The following MMP16 variants were observed in gnomAD, a reference collection of about 807,000 sequenced individuals.
MMP16 encodes the protein matrix metallopeptidase 16.
MMP16 carries 12 observed loss-of-function variants against 67.8 expected under a neutral mutation model. The observed-to-expected ratio is 0.18, with a 90% CI of 0.11 to 0.29. MMP16 has a LOEUF of 0.29. Ranked by LOEUF, MMP16 falls within the 10% of genes least tolerant of loss-of-function variation. MMP16 has a pLI of 1.00. For synonymous variants in MMP16, 249 were observed against 255.9 expected (o/e 0.97, Z 0.26); for missense variants, 475 against 765.7 (o/e 0.62, Z 4.48).
At chr8:88,048,376 T>G (rs906816343) in intron 8 of MMP16, among the ~76,000 whole-genome samples, 11 of 152,148 alleles carry the variant, frequency 7.2e-5, no homozygotes, top group African/African-American at 2.4e-4. Context: ...CATCCCTACT[T>G]TGGATCACTC....
chr8:88,207,357 G>A (rs527292191), intron 1 of MMP16, among the ~76,000 whole-genome samples: 3 of 152,248 alleles, frequency 2.0e-5, no homozygotes, highest in South Asian at 4.1e-4. Context: ...GAGCCCAAAT[G>A]TTGTATCTGC....
At chr8:88,258,854 G>C (rs996942515) in intron 1 of MMP16, among the ~76,000 whole-genome samples, 10 of 152,154 alleles carry the variant, frequency 6.6e-5, no homozygotes, top group Non-Finnish European at 1.3e-4. Context: ...CTGAAATTAA[G>C]TCAAAATATT....
At chr8:88,170,473 TCTATGCACC>T (rs1306047300) in intron 3 of MMP16, among the ~76,000 whole-genome samples, 1 of 152,138 alleles carries the variant, frequency 6.6e-6, no homozygotes, top group Non-Finnish European at 1.5e-5. Context: ...TCTTTTATTT[TCTATGCACC>T]CTATGGGATT....
intron 1 of MMP16, among the ~76,000 whole-genome samples, chr8:88,229,393 C>G (rs1387872715): frequency 2.6e-5 from 4 of 151,862 alleles, no homozygotes; most frequent in Non-Finnish European, 5.9e-5. Context: ...AAAAAAGTAA[C>G]AAATCAAAAC....
chr8:88,173,937 A>G (rs868655690), intron 3 of MMP16, among the ~76,000 whole-genome samples: 13 of 152,304 alleles, frequency 8.5e-5, no homozygotes, highest in Middle Eastern at 3.4e-3. Context: ...TCAGTCTGTT[A>G]TGTATTCTCT....
At chr8:88,300,234 T>C (rs1213449042) in intron 1 of MMP16, among the ~76,000 whole-genome samples, 1 of 152,198 alleles carries the variant, frequency 6.6e-6, no homozygotes, top group Non-Finnish European at 1.5e-5. Flanking sequence ...AACTGCAAAA[T>C]TCATACTTTC....
intron 1 of MMP16, among the ~76,000 whole-genome samples, chr8:88,314,517 G>T (rs530997933): frequency 1.3e-5 from 2 of 152,256 alleles, no homozygotes; most frequent in Non-Finnish European, 2.9e-5. Flanking sequence ...TTAAGTCACA[G>T]AACAGTGTGA....
intron 1 of MMP16, among the ~76,000 whole-genome samples, chr8:88,269,429 C>T (rs916359185): frequency 3.9e-5 from 6 of 152,084 alleles, no homozygotes; most frequent in African/African-American, 1.4e-4. Context: ...TGGGCAAGGT[C>T]CCTGCACCCA....
At chr8:88,111,985 G>C (rs1809345450) in intron 6 of MMP16, among the ~76,000 whole-genome samples, 1 of 151,582 alleles carries the variant, frequency 6.6e-6, no homozygotes. Context: ...GACTTTTTTT[G>C]GGTAAATGAT....
intron 1 of MMP16, among the ~76,000 whole-genome samples, chr8:88,293,028 C>T (rs905902095): frequency 2.0e-5 from 3 of 152,214 alleles, no homozygotes; most frequent in South Asian, 4.1e-4. Context: ...CCACTTAACG[C>T]TCTAGAGTTC....
intron 1 of MMP16, among the ~76,000 whole-genome samples, chr8:88,241,918 G>A (rs371723834): frequency 2.6e-5 from 4 of 151,992 alleles, no homozygotes; most frequent in Non-Finnish European, 5.9e-5. Context: ...TAGCTAAGAC[G>A]GATATGAAAA....
At chr8:88,151,725 G>T (rs996656512) in intron 4 of MMP16, among the ~76,000 whole-genome samples, 9 of 151,684 alleles carry the variant, frequency 5.9e-5, no homozygotes, top group African/African-American at 2.2e-4. Context: ...TGTGTAGAGG[G>T]AAATTTATAG....
chr8:88,228,184 G>A lies in MMP16; in HGVS notation c.133-30878C>T, dbSNP rs1040173631. On this transcript the variant is annotated intron_variant, in intron 1 of 9. Transcript: ENST00000286614. ...TCATATGCTGCTAATGGTATAAATT[G>A]GCAAACCATTCTGGAAAAAATTTTG... Among the ~76,000 whole-genome samples the A allele has an allele frequency of 4.6e-5, 7 of 152,004 alleles. 1 individual carries two copies. The highest frequency in any genetic ancestry group is 1.7e-4 in the African/African-American group (7 of 41,406).
chr8:88,298,366 A>T (rs1811043961), intron 1 of MMP16, among the ~76,000 whole-genome samples: 1 of 152,214 alleles, frequency 6.6e-6, no homozygotes. Flanking sequence ...TTACGTGTGG[A>T]ACAAGAGATG....
intron 1 of MMP16, among the ~76,000 whole-genome samples, chr8:88,263,733 A>G (rs1810426237): frequency 6.6e-6 from 1 of 152,094 alleles, no homozygotes; most frequent in Non-Finnish European, 1.5e-5. Context: ...GCTCACCCTA[A>G]TCACTTAATT....
At chr8:88,154,811 T>G (rs1808480016) in intron 4 of MMP16, among the ~76,000 whole-genome samples, 1 of 146,386 alleles carries the variant, frequency 6.8e-6, no homozygotes, top group South Asian at 2.2e-4. Context: ...GGCACATGTA[T>G]ACATATGTAA....
chr8:88,071,685 A>C (rs1037809100), intron 7 of MMP16, among the ~76,000 whole-genome samples: 1 of 152,166 alleles, frequency 6.6e-6, no homozygotes, highest in Non-Finnish European at 1.5e-5. Context: ...TGGGGCTTGA[A>C]TCTTATTCTT....
chr8:88,212,387 A>T (rs1394556295), intron 1 of MMP16, among the ~76,000 whole-genome samples: 1 of 152,202 alleles, frequency 6.6e-6, no homozygotes, highest in African/African-American at 2.4e-5. Context: ...AATTGGCCCT[A>T]CAAGAATTCC....
intron 1 of MMP16, among the ~76,000 whole-genome samples, chr8:88,236,929 T>C (rs911908800): frequency 6.6e-6 from 1 of 152,114 alleles, no homozygotes; most frequent in Non-Finnish European, 1.5e-5. Flanking sequence ...TTAGTATTAG[T>C]AGTAATAAAA....
Sources: gnomAD v4.1 joint callset for allele counts (sites outside exome capture counted in the v4.1 genomes callset) on GRCh38, gnomAD v4.1.1 for gene constraint, MANE v1.5 for transcripts, NCBI Gene and HGNC (gene_info 2026-07-23, HGNC 2026-07-21) for gene names.